Variants in SRD5A3 observed in about 807,000 individuals in gnomAD.
SRD5A3 encodes the protein polyprenal reductase.
SRD5A3 carries 24 observed loss-of-function variants against 34.3 expected under a neutral mutation model. The ratio of observed to expected loss-of-function variants is 0.70; its 90% CI spans 0.51 to 0.99. The LOEUF is 0.99. SRD5A3 is among the 50% of genes least tolerant of loss of function. The probability of loss-of-function intolerance (pLI) is 0.00; values close to 1 mark genes in which losing one functional copy is unlikely to be tolerated. For missense variants in SRD5A3, 350 were observed against 388.2 expected, an observed-to-expected ratio of 0.90 and a Z score of 0.83; for synonymous variants, 161 against 167.3, an observed-to-expected ratio of 0.96 and a Z score of 0.29.
intron 1 of SRD5A3, among the ~76,000 whole-genome samples, chr4:55,356,989 C>T (rs1489372666): frequency 6.6e-6 from 1 of 152,176 alleles, no homozygotes; most frequent in Non-Finnish European, 1.5e-5. Flanking sequence ...TCCTTGAACA[C>T]CCCTAGTATA....
chr4:55,347,211 A>G (rs986774937), intron 1 of SRD5A3, among the ~76,000 whole-genome samples: 1 of 152,238 alleles, frequency 6.6e-6, no homozygotes, highest in African/African-American at 2.4e-5. Flanking sequence ...TTAAATCGTC[A>G]GGTTTTAAAT....
intron 2 of SRD5A3, 64 bp downstream of exon 2, chr4:55,359,552 AGCAGTTTTTG>A: frequency 6.2e-7 from 1 of 1,608,398 alleles, no homozygotes; most frequent in East Asian, 2.2e-5. Context: ...TCTGCAAGGG[AGCAGTTTTTG>A]GCATTTTGTC....
At chr4:55,368,265 G>A (rs1457027319) in intron 4 of SRD5A3, among the ~76,000 whole-genome samples, 1 of 151,474 alleles carries the variant, frequency 6.6e-6, no homozygotes, top group Non-Finnish European at 1.5e-5. Context: ...TGTAGTCCCA[G>A]CTACTTGGGA....
chr4:55,367,514 T>G, intron 3 of SRD5A3, 74 bp from the exon 4 acceptor site: 1 of 1,553,432 alleles, frequency 6.4e-7, no homozygotes, highest in Non-Finnish European at 8.8e-7. Context: ...GTGTTTCTGC[T>G]GACTAAATGA....
Position 55,367,623 on chromosome 4 carries a change from C to G in SRD5A3, c.598C>G (p.Arg200Gly). The change falls in exon 4 of 5, where the codon CGG becomes GGG. Residue 200 changes from arginine to glycine, a missense_variant. Physicochemically the swap from Arg to Gly is moderately radical, Grantham distance 125. Around this residue, in one of 3 missense-constraint regions of SRD5A3, gnomAD observed 186 missense variants for 221.4 expected, o/e 0.84. Coordinates refer to ENST00000264228, the MANE Select transcript of SRD5A3 (RefSeq NM_024592.5). The part of the protein sequence containing the change: ...ITGKNLLMQA[R>G]WFHILGMMMF... ...AGGGAAAAATCTATTGATGCAAGCA[C>G]GGTGGTTCCATATTCTTGGGATGAT... 1 of 1,614,124 alleles carries G rather than the reference C, an allele frequency of 6.2e-7. No individual in the cohort carries two copies. Among genetic ancestry groups the G allele is most frequent in the Non-Finnish European group, 8.5e-7 (1 of 1,180,022 alleles).
chr4:55,360,199 AGCG>A, intron 2 of SRD5A3, among the ~76,000 whole-genome samples: 1 of 143,652 alleles, frequency 7.0e-6, no homozygotes, highest in Non-Finnish European at 1.5e-5. Flanking sequence ...TGGGCAACAG[AGCG>A]AGACTGTGTT....
In SRD5A3 at chr4:55,372,688, G is replaced by A. The variant is rs922253706; in HGVS notation, c.*2597G>A. 1 of 152,146 alleles carries A rather than the reference G, an allele frequency of 6.6e-6. No homozygotes were observed. Among genetic ancestry groups the A allele is most frequent in the African/African-American group, 2.4e-5 (1 of 41,440 alleles). The allele number at this position is 152,146 out of a possible 1,614,324, so 9.4% of individuals were successfully genotyped here. On this transcript the variant is annotated 3_prime_UTR_variant, in exon 5 of 5. Coordinates refer to ENST00000264228, the MANE Select transcript of SRD5A3 (RefSeq NM_024592.5). Reference sequence around the variant, plus strand: ...TAGCTTAAAGATTCATGGTTTTCCTGTTGGCTTAAATAGCCTTAATCTTTC... The same window carrying A: ...TAGCTTAAAGATTCATGGTTTTCCTATTGGCTTAAATAGCCTTAATCTTTC...
rs192397738 is a variant in SRD5A3 at position 55,361,199 on chromosome 4, C to T, written c.364+1711C>T. Among the ~76,000 whole-genome samples the T allele has an allele frequency of 2.2e-3, 340 of 151,776 alleles. 1 individual carries two copies. The highest frequency in any genetic ancestry group is 5.1e-3 in the Admixed American group (78 of 15,218). ...AGATGACAATCAGAAGAGCAAACCC[C>T]GGCCGGGTGTGGTGGTTCATGCCTC... On this transcript the variant is annotated intron_variant, in intron 2 of 4. Coordinates refer to ENST00000264228, the MANE Select transcript of SRD5A3 (RefSeq NM_024592.5).
At chr4:55,355,419 C>G (rs1427241305) in intron 1 of SRD5A3, among the ~76,000 whole-genome samples, 1 of 150,608 alleles carries the variant, frequency 6.6e-6, no homozygotes, top group Non-Finnish European at 1.5e-5. Context: ...GATCGTGCCA[C>G]TGCACTCCAG....
At chr4:55,356,154 G>A (rs530159934) in intron 1 of SRD5A3, among the ~76,000 whole-genome samples, 39 of 151,640 alleles carry the variant, frequency 2.6e-4, no homozygotes, top group African/African-American at 9.0e-4. Context: ...GATTACAGGC[G>A]TGTGCCAGCA....
Position 55,367,730 on chromosome 4 carries a change from C to T in SRD5A3, c.697+8C>T. On this transcript the variant is annotated splice_region_variant and intron_variant, in intron 4 of 4. Coordinates refer to ENST00000264228, the MANE Select transcript of SRD5A3 (RefSeq NM_024592.5). ...TCAGGAAAAATAAAGCAGGTGAGAC[C>T]TCTTTTAGAGCCTCTGCATATGGAT... 2.5e-6 allele frequency: 4 copies of T among 1,614,024 alleles called. No individual in the cohort carries two copies. Among genetic ancestry groups the T allele is most frequent in the Non-Finnish European group, 3.4e-6 (4 of 1,180,004 alleles).
chr4:55,356,560 T>C (rs1719469355), intron 1 of SRD5A3, among the ~76,000 whole-genome samples: 1 of 151,524 alleles, frequency 6.6e-6, no homozygotes, highest in African/African-American at 2.4e-5. Context: ...TGATCACCAC[T>C]TACTGCAGCC....
intron 1 of SRD5A3, 41 bp downstream of exon 1, chr4:55,346,598 T>C (rs1719007509): frequency 2.6e-6 from 4 of 1,519,920 alleles, no homozygotes; most frequent in Admixed American, 2.0e-5. Flanking sequence ...GTCAAGGCGC[T>C]GAGAGTTCGG....
intron 4 of SRD5A3, 60 bp downstream of exon 4, chr4:55,367,782 T>C (rs537679268): frequency 2.4e-5 from 38 of 1,604,226 alleles, no homozygotes; most frequent in South Asian, 9.9e-5. Flanking sequence ...TAGTTCTCCA[T>C]GGTCCTGCAT....
chr4:55,369,008 G>A (rs1578213220), intron 4 of SRD5A3, among the ~76,000 whole-genome samples: 1 of 152,308 alleles, frequency 6.6e-6, no homozygotes, highest in South Asian at 2.1e-4. Flanking sequence ...CAAAGTGCTA[G>A]GATTACAAGC....
rs1342100477 is a variant in SRD5A3 at position 55,371,604 on chromosome 4, A to AC, written c.*1518dup. 2.0e-5 allele frequency: 3 copies of AC among 151,984 alleles called. No homozygotes were observed. The highest frequency in any genetic ancestry group is 7.2e-5 in the African/African-American group (3 of 41,382). The allele number at this position is 151,984 out of a possible 1,614,324, so 9.4% of individuals were successfully genotyped here. On this transcript the variant is annotated 3_prime_UTR_variant, in exon 5 of 5. Coordinates refer to ENST00000264228, the MANE Select transcript of SRD5A3 (RefSeq NM_024592.5). ...ATCAAATGCATAGTCAATCATTCCC[A>AC]CCCCCATCCCTGGAGCTGTAACCCA... is the stretch of plus-strand genomic sequence containing the variant.
chr4:55,354,954 G>A (rs972019860), intron 1 of SRD5A3, among the ~76,000 whole-genome samples: 2 of 152,224 alleles, frequency 1.3e-5, no homozygotes, highest in African/African-American at 4.8e-5. Flanking sequence ...AAGCAAGGGA[G>A]TGCTCATTCA....
At chr4:55,361,887 CTCT>C (rs1719700318) in intron 2 of SRD5A3, among the ~76,000 whole-genome samples, 1 of 152,150 alleles carries the variant, frequency 6.6e-6, no homozygotes, top group Admixed American at 6.5e-5. Context: ...AAAACTTCAT[CTCT>C]TCGTTTGTTT....
chr4:55,356,489 T>G (rs918607541), intron 1 of SRD5A3, among the ~76,000 whole-genome samples: 3 of 152,112 alleles, frequency 2.0e-5, no homozygotes, highest in Non-Finnish European at 2.9e-5. Context: ...GGGTTTTGTT[T>G]GTTTGTTTGT....
Sources: allele counts gnomAD v4.1 joint callset (sites outside exome capture counted in the v4.1 genomes callset), GRCh38; gene constraint gnomAD v4.1.1; regional missense constraint gnomAD v4.1.1; transcripts MANE v1.5; gene names NCBI Gene and HGNC (gene_info 2026-07-23, HGNC 2026-07-21).